The following ERVFRD-1 variants were observed in gnomAD, a reference collection of about 807,000 sequenced individuals.
ERVFRD-1 encodes syncytin-2.
In ERVFRD-1, 33 loss-of-function variants were observed where a neutral mutation model predicts 43.8. That is an observed-to-expected ratio of 0.75 (90% CI 0.57 to 1.01). ERVFRD-1 has a LOEUF of 1.01. Ranked by LOEUF, ERVFRD-1 falls within the 50% of genes least tolerant of loss-of-function variation. ERVFRD-1 has a pLI of 0.00. For missense variants in ERVFRD-1, 568 were observed against 658.4 expected (o/e 0.86, Z 1.50); for synonymous variants, 239 against 244.4 (o/e 0.98, Z 0.21).
At position 11,102,765 on chromosome 6, in the gene ERVFRD-1, C is replaced by T. The variant is rs1425325174; in HGVS notation, c.*929G>A. ...TAAATGGTGGAACTGTTACCAGCAG[C>T]AAATCCAATGGGTCTGCAGCAGACT... On this transcript the variant is annotated 3_prime_UTR_variant, in exon 2 of 2. Coordinates refer to ENST00000472091, the MANE Select transcript of ERVFRD-1 (RefSeq NM_207582.3). 1.3e-5 allele frequency: 2 copies of T among 152,148 alleles called. No individual in the cohort carries two copies. The highest frequency in any genetic ancestry group is 2.4e-5 in the African/African-American group (1 of 41,412). 9.4% of individuals were successfully genotyped at this position (152,148 alleles called of 1,614,324 possible). A position where few individuals can be genotyped will look rare whatever the true frequency, so the allele number is the denominator to read the frequency against.
chr6:11,109,227 A>G (rs1033063295), intron 1 of ERVFRD-1, among the ~76,000 whole-genome samples: 3 of 152,232 alleles, frequency 2.0e-5, no homozygotes, highest in Non-Finnish European at 4.4e-5. Flanking sequence ...TGTTAAGCCC[A>G]GTTTATAAAA....
At chr6:11,111,420 G>A (rs1758164582) in intron 1 of ERVFRD-1, among the ~76,000 whole-genome samples, 1 of 152,182 alleles carries the variant, frequency 6.6e-6, no homozygotes, top group African/African-American at 2.4e-5. Context: ...TAGCCCTACC[G>A]CTCTCATCAG....
At position 11,104,409 on chromosome 6, in the gene ERVFRD-1, C is replaced by A; in HGVS notation, c.902G>T (p.Cys301Phe). ...CLKTQGAFYI[C>F]GQSIHQCLPS... Reference sequence around the variant, plus strand: ...GAGGCATTGGTGAATCGACTGGCCACAAATATAAAAGGCTCCTTGAGTTTT... The same window carrying A: ...GAGGCATTGGTGAATCGACTGGCCAAAAATATAAAAGGCTCCTTGAGTTTT... Residue 301 changes from cysteine to phenylalanine, a missense_variant, in exon 2 of 2, where the codon TGT becomes TTT. Coordinates refer to ENST00000472091, the MANE Select transcript of ERVFRD-1 (RefSeq NM_207582.3). 6.4e-7 allele frequency: 1 copy of A among 1,551,548 alleles called. No homozygotes were observed. The highest frequency in any genetic ancestry group is 1.7e-4 in the Middle Eastern group (1 of 5,992).
In ERVFRD-1 at chr6:11,104,557, G is replaced by T. The variant is rs769386245; in HGVS notation, c.754C>A (p.Pro252Thr). 31 of 1,601,748 alleles carry T rather than the reference G, an allele frequency of 1.9e-5. No homozygotes were observed. The highest frequency in any genetic ancestry group is 2.6e-5 in the Non-Finnish European group (30 of 1,173,468). The change falls in exon 2 of 2, where the codon CCC becomes ACC. Residue 252 changes from proline (P) to threonine (T), a missense_variant. By Grantham distance (38) the Pro-to-Thr change is conservative. Coordinates refer to ENST00000472091, the MANE Select transcript of ERVFRD-1 (RefSeq NM_207582.3). ...ATGCCTGCTAAGACTTGGACGCAGG[G>T]TGTTTGGCTCTGGTTAGCTCCCTTG... is the stretch of plus-strand genomic sequence containing the variant. ...KTKGANQSQTPCVQVLAGMTI... is the reference protein window; with the variant it reads ...KTKGANQSQTTCVQVLAGMTI...
Position 11,105,045 on chromosome 6 carries a change from G to C in ERVFRD-1, c.266C>G (p.Ala89Gly), listed in dbSNP as rs758079525. ...CTTTACTGTTGAAAGAAGACTATTT[G>C]CAGGCCTCATCAGTCCTTTCAGATT... ...DPNLKGLMRPANSLLSTVKQD... is the reference protein window; with the variant it reads ...DPNLKGLMRPGNSLLSTVKQD... The change falls in exon 2 of 2, where the codon GCA becomes GGA. Residue 89 changes from alanine to glycine, a missense_variant. Ala to Gly is a moderately conservative substitution (Grantham distance 60, BLOSUM62 0). Coordinates refer to ENST00000472091, the MANE Select transcript of ERVFRD-1 (RefSeq NM_207582.3). 6 of 1,614,180 alleles carry C rather than the reference G, an allele frequency of 3.7e-6. No individual in the cohort carries two copies. The South Asian group carries it at 6.6e-5, about 18-fold the overall frequency.
Position 11,103,848 on chromosome 6 carries a change from C to A in ERVFRD-1, c.1463G>T (p.Gly488Val). 6.4e-7 allele frequency: 1 copy of A among 1,551,610 alleles called. No homozygotes were observed. The highest frequency in any genetic ancestry group is 1.2e-5 in the South Asian group (1 of 84,060). Reference protein sequence around the residue: ...KWFSWVLPLTGPLVSLLLLLL... With the variant: ...KWFSWVLPLTVPLVSLLLLLL... Reference sequence around the variant, plus strand: ...CAAAAGTAGGAGACTAACAAGTGGGCCTGTAAGGGGAAGAACCCAAGAGAA... The same window carrying A: ...CAAAAGTAGGAGACTAACAAGTGGGACTGTAAGGGGAAGAACCCAAGAGAA... Residue 488 changes from glycine to valine, a missense_variant, in exon 2 of 2, where the codon GGC (glycine) becomes GTC (valine). Gly to Val is a moderately radical substitution (Grantham distance 109). Transcript: ENST00000472091.
rs146684308 is a variant in ERVFRD-1 at position 11,111,471 on chromosome 6, A to T, written c.-321+206T>A. On this transcript the variant is annotated intron_variant, in intron 1 of 1. Transcript: ENST00000472091. The stretch of plus-strand genomic sequence containing the variant: ...GGCCATTAGTGTCTCAGGTCTACTT[A>T]GTGCAGACTCCAAGGTCCTTCCCAC... 8.5e-5 allele frequency among the ~76,000 whole-genome samples: 13 copies of T among 152,264 alleles called. No homozygotes were observed. The East Asian group carries it at 2.5e-3, about 29-fold the overall frequency.
In ERVFRD-1 at chr6:11,104,876, A is replaced by G; in HGVS notation, c.435T>C (p.Cys145=). ...TNVGTLPSTV[C]NVTFTVDSNQ... Reference sequence around the variant, plus strand: ...TAGAATCTACAGTGAAAGTAACATTACAGACTGTACTTGGAAGAGTGCCTA... The same window carrying G: ...TAGAATCTACAGTGAAAGTAACATTGCAGACTGTACTTGGAAGAGTGCCTA... Residue 145 remains cysteine, a synonymous_variant, in exon 2 of 2, where the codon TGT becomes TGC. Transcript: ENST00000472091. The G allele has an allele frequency of 6.2e-7, 1 of 1,614,244 alleles. No individual in the cohort carries two copies. The highest frequency in any genetic ancestry group is 2.2e-5 in the East Asian group (1 of 44,892).
Position 11,103,739 on chromosome 6 carries a change from G to GA in ERVFRD-1, c.1571dup (p.Ser525GlnfsTer56). 1 of 1,551,690 alleles carries GA rather than the reference G, an allele frequency of 6.4e-7. No homozygotes were observed. The highest frequency in any genetic ancestry group is 2.0e-5 in the Admixed American group (1 of 51,012). ...TATTGCGAGGATGGCGTCCTGCACT[G>GA]AGATTCGTCTGGAGCTTTATGGCCT... On this transcript the variant is annotated frameshift_variant, in exon 2 of 2. Coordinates refer to ENST00000472091, the MANE Select transcript of ERVFRD-1 (RefSeq NM_207582.3). LOFTEE classifies it high-confidence loss of function.
Position 11,105,020 on chromosome 6 carries a change from C to G in ERVFRD-1, c.291G>C (p.Lys97Asn). Reference protein sequence around the residue: ...RPANSLLSTVKQDFPDIRQKP... With the variant: ...RPANSLLSTVNQDFPDIRQKP... ...TCTGGCGGATATCAGGGAAATCTTG[C>G]TTTACTGTTGAAAGAAGACTATTTG... The change falls in exon 2 of 2, where the codon AAG becomes AAC. Residue 97 changes from lysine (K) to asparagine (N), a missense_variant. Lys to Asn is a moderately conservative substitution (Grantham distance 94). Transcript: ENST00000472091. 1 of 1,614,182 alleles carries G rather than the reference C, an allele frequency of 6.2e-7. No individual in the cohort carries two copies. Among genetic ancestry groups the G allele is most frequent in the Middle Eastern group, 1.6e-4 (1 of 6,062 alleles).
rs1486916406 is a variant in ERVFRD-1, at chr6:11,111,682, G to A, written c.-326C>T. 2.0e-5 allele frequency: 3 copies of A among 152,246 alleles called. No homozygotes were observed. Among genetic ancestry groups the A allele is most frequent in the Admixed American group, 6.6e-5 (1 of 15,258 alleles). The allele number at this position is 152,246 out of a possible 1,614,324, so 9.4% of individuals were successfully genotyped here. ...AAGGCGTAGAGGTGTCTTACCACTAGGGAAGGTATCCGAGTCACTGCACCA... is the reference window on the plus strand; with the variant it reads ...AAGGCGTAGAGGTGTCTTACCACTAAGGAAGGTATCCGAGTCACTGCACCA... On this transcript the variant is annotated 5_prime_UTR_variant, in exon 1 of 2. Transcript: ENST00000472091.
Position 11,103,614 on chromosome 6 carries a change from A to C in ERVFRD-1, c.*80T>G. ...ATGGCTCTGTGGATTGGCAAAAACC[A>C]TATCCAGCCAGGTCCACGGGAGACG... On this transcript the variant is annotated 3_prime_UTR_variant, in exon 2 of 2. Transcript: ENST00000472091. 5.5e-6 allele frequency: 8 copies of C among 1,462,644 alleles called. No individual in the cohort carries two copies. The highest frequency in any genetic ancestry group is 7.2e-6 in the Non-Finnish European group (8 of 1,108,180). The allele number at this position is 1,462,644 out of a possible 1,614,324, so 90.6% of individuals were successfully genotyped here.
chr6:11,110,803 G>A (rs1023705538), intron 1 of ERVFRD-1, among the ~76,000 whole-genome samples: 2 of 152,184 alleles, frequency 1.3e-5, no homozygotes, highest in Non-Finnish European at 2.9e-5. Flanking sequence ...GGAGGACTTG[G>A]TGTTTGGGAT....
rs191883773 is a variant in ERVFRD-1 at position 11,108,838 on chromosome 6, C to T, written c.-321+2839G>A. ...AAATGATCCTTTATGAACAGTTGTC[C>T]TTCTAGTGGGTCTGGGTCTAGGTTA... On this transcript the variant is annotated intron_variant, in intron 1 of 1. Coordinates refer to ENST00000472091, the MANE Select transcript of ERVFRD-1 (RefSeq NM_207582.3). Among the ~76,000 whole-genome samples the T allele has an allele frequency of 1.2e-3, 186 of 152,270 alleles. 1 individual carries two copies. The highest frequency in any genetic ancestry group is 2.1e-3 in the Non-Finnish European group (142 of 68,028).
intron 1 of ERVFRD-1, among the ~76,000 whole-genome samples, chr6:11,107,021 C>A (rs760755620): frequency 6.6e-6 from 1 of 152,140 alleles, no homozygotes; most frequent in African/African-American, 2.4e-5. Context: ...CAGAGGTCCC[C>A]GGGGACAGAG....
At position 11,104,144 on chromosome 6, in the gene ERVFRD-1, G is replaced by A. The variant is rs1340629132; in HGVS notation, c.1167C>T (p.Ala389=). Reference sequence around the variant, plus strand: ...CTTTAGCCATGGTGTCAATGTTGTTGGCTATTTCCTTTGAGAGCTGGCTAT... The same window carrying A: ...CTTTAGCCATGGTGTCAATGTTGTTAGCTATTTCCTTTGAGAGCTGGCTAT... ...LTYSQLSKEI[A]NNIDTMAKAL... Residue 389 remains alanine, a synonymous_variant, in exon 2 of 2, where the codon GCC becomes GCT. Coordinates refer to ENST00000472091, the MANE Select transcript of ERVFRD-1 (RefSeq NM_207582.3). 1 of 1,549,790 alleles carries A rather than the reference G, an allele frequency of 6.5e-7. No individual in the cohort carries two copies. Among genetic ancestry groups the A allele is most frequent in the Non-Finnish European group, 8.7e-7 (1 of 1,146,122 alleles).
Position 11,103,602 on chromosome 6 carries a change from T to C in ERVFRD-1, c.*92A>G. On this transcript the variant is annotated 3_prime_UTR_variant, in exon 2 of 2. Coordinates refer to ENST00000472091, the MANE Select transcript of ERVFRD-1 (RefSeq NM_207582.3). ...TGTCAGGGCAGGATGGCTCTGTGGA[T>C]TGGCAAAAACCATATCCAGCCAGGT... 4.1e-6 allele frequency: 6 copies of C among 1,455,922 alleles called. No individual in the cohort carries two copies. Among genetic ancestry groups the C allele is most frequent in the South Asian group, 1.5e-5 (1 of 67,978 alleles). 90.2% of individuals were successfully genotyped at this position (1,455,922 alleles called of 1,614,324 possible). A position where few individuals can be genotyped will look rare whatever the true frequency, so the allele number is the denominator to read the frequency against.
intron 1 of ERVFRD-1, 45 bp from the exon 2 acceptor site, chr6:11,105,675 G>A (rs891710081): frequency 2.0e-5 from 4 of 195,842 alleles, no homozygotes; most frequent in African/African-American, 9.5e-5. Flanking sequence ...CTTTCAAATA[G>A]GAGTTTGTTG....
Position 11,105,074 on chromosome 6 carries a change from G to T in ERVFRD-1, c.237C>A (p.Asp79Glu). The T allele has an allele frequency of 4.3e-6, 7 of 1,614,170 alleles. No homozygotes were observed. The highest frequency in any genetic ancestry group is 5.9e-6 in the Non-Finnish European group (7 of 1,180,014). Reference sequence around the variant, plus strand: ...GCCTCATCAGTCCTTTCAGATTAGGGTCCCATCGATAGGAAATATGTAATT... The same window carrying T: ...GCCTCATCAGTCCTTTCAGATTAGGTTCCCATCGATAGGAAATATGTAATT... ...EAELHISYRW[D>E]PNLKGLMRPA... is the part of the protein sequence containing the mutation. Residue 79 changes from aspartate to glutamate, a missense_variant, in exon 2 of 2, where the codon GAC (aspartate) becomes GAA (glutamate). Transcript: ENST00000472091.
Sources: gnomAD v4.1 joint callset for allele counts (sites outside exome capture counted in the v4.1 genomes callset) on GRCh38, gnomAD v4.1.1 for gene constraint, MANE v1.5 for transcripts, NCBI Gene and HGNC (gene_info 2026-07-23, HGNC 2026-07-21) for gene names.